SCAI: variants seen among roughly 807,000 people sequenced by gnomAD.
SCAI encodes protein SCAI.
Under a neutral mutation model 92.2 loss-of-function variants are expected in SCAI, and 24 were observed. The observed-to-expected ratio is 0.26, with a 90% CI of 0.19 to 0.37. SCAI has a LOEUF of 0.37. Among genes scored for constraint, SCAI ranks in the 10% least tolerant of loss-of-function variants. SCAI has a pLI of 1.00. For synonymous variants in SCAI, 261 were observed against 258.6 expected (o/e 1.01, Z -0.09); for missense variants, 450 against 736.2 (o/e 0.61, Z 4.50).
At chr9:125,119,236 AAG>A (rs1835110659) in intron 2 of SCAI, among the ~76,000 whole-genome samples, 2 of 152,184 alleles carry the variant, frequency 1.3e-5, no homozygotes, top group Admixed American at 6.5e-5. Context: ...CAAACCCATG[AAG>A]TACATACCAT....
intron 7 of SCAI, among the ~76,000 whole-genome samples, chr9:125,020,061 A>G (rs1048311023): frequency 1.4e-5 from 2 of 139,706 alleles, no homozygotes; most frequent in Non-Finnish European, 3.0e-5. Context: ...TGACAGAGCG[A>G]GACCTTGTCT....
chr9:125,009,085 T>G (rs115162524), intron 9 of SCAI, among the ~76,000 whole-genome samples: 1 of 151,828 alleles, frequency 6.6e-6, no homozygotes, highest in Non-Finnish European at 1.5e-5. Flanking sequence ...CAAACTCAAG[T>G]TGGAGATGTG....
rs1784151713 is a variant in SCAI, at chr9:124,947,622, C to A, written c.*5185G>T. On this transcript the variant is annotated 3_prime_UTR_variant, in exon 18 of 18. Transcript: ENST00000336505. ...ATACACATACTGTATCACTGCATAC[C>A]AATATATTTACAAATATGTATACAT... The A allele has an allele frequency of 6.6e-6, 1 of 151,900 alleles. No individual in the cohort carries two copies. Among genetic ancestry groups the A allele is most frequent in the Non-Finnish European group, 1.5e-5 (1 of 67,986 alleles). The allele number at this position is 151,900 out of a possible 1,614,324, so 9.4% of individuals were successfully genotyped here.
rs564805151 is a variant in SCAI, at chr9:125,057,581, A to T, written c.99-1574T>A. On this transcript the variant is annotated intron_variant, in intron 2 of 17. Coordinates refer to ENST00000336505, the MANE Select transcript of SCAI (RefSeq NM_001144877.3). ...TAGCCACCAAGTGGGTATCCACATC[A>T]CAGGGTACCTGCATGGTTGTCGGAA... Among the ~76,000 whole-genome samples, 3 of 152,282 alleles carry T rather than the reference A, an allele frequency of 2.0e-5. No homozygotes were observed. The South Asian group carries it at 6.2e-4, about 32-fold the overall frequency.
intron 2 of SCAI, among the ~76,000 whole-genome samples, chr9:125,135,762 GA>G (rs1835507999): frequency 6.6e-6 from 1 of 152,144 alleles, no homozygotes; most frequent in African/African-American, 2.4e-5. Flanking sequence ...CGGAGGTCAG[GA>G]ATTCAAGACC....
chr9:125,047,661 G>GA (rs1421169280), intron 3 of SCAI, among the ~76,000 whole-genome samples: 2 of 152,140 alleles, frequency 1.3e-5, no homozygotes, highest in African/African-American at 4.8e-5. Flanking sequence ...TATGAGAACA[G>GA]AAACTAAAAC....
At chr9:125,039,549 T>G (rs935878732) in intron 3 of SCAI, among the ~76,000 whole-genome samples, 2 of 152,156 alleles carry the variant, frequency 1.3e-5, no homozygotes, top group Non-Finnish European at 2.9e-5. Context: ...ACTTAGAAGC[T>G]TAAAACAAAA....
At chr9:125,043,331 T>A (rs1352634996) in intron 3 of SCAI, among the ~76,000 whole-genome samples, 2 of 152,206 alleles carry the variant, frequency 1.3e-5, no homozygotes, top group Non-Finnish European at 2.9e-5. Context: ...ACATCTTTGT[T>A]CCAAACCATG....
chr9:125,063,102 A>AC (rs112388687), intron 2 of SCAI, among the ~76,000 whole-genome samples: 36,755 of 137,616 alleles, frequency 0.27, 4,963 homozygotes, highest in Middle Eastern at 0.33. Flanking sequence ...ATAACCCCCC[A>AC]CCCCCCCCAG....
At chr9:124,965,400 A>G (rs1360969448) in intron 17 of SCAI, among the ~76,000 whole-genome samples, 1 of 151,952 alleles carries the variant, frequency 6.6e-6, no homozygotes, top group Non-Finnish European at 1.5e-5. Flanking sequence ...CGCCCAGCTA[A>G]TTTTTATATT....
intron 2 of SCAI, among the ~76,000 whole-genome samples, chr9:125,070,397 CTTTT>C (rs34011891): frequency 8.5e-6 from 1 of 118,288 alleles, no homozygotes; most frequent in Non-Finnish European, 1.7e-5. Context: ...TAAAAACAAT[CTTTT>C]TTTTTTTTTT....
chr9:124,966,766 T>C (rs1489451481), intron 17 of SCAI, among the ~76,000 whole-genome samples: 2 of 151,956 alleles, frequency 1.3e-5, no homozygotes, highest in Non-Finnish European at 2.9e-5. Context: ...CTGTTTATAC[T>C]GTTTCATTAT....
chr9:125,116,169 A>AG (rs1835042897), intron 2 of SCAI, among the ~76,000 whole-genome samples: 1 of 152,232 alleles, frequency 6.6e-6, no homozygotes, highest in South Asian at 2.1e-4. Flanking sequence ...TGGGTGACAG[A>AG]GAGAGACTCC....
chr9:125,106,777 C>T (rs1357687238), intron 2 of SCAI, among the ~76,000 whole-genome samples: 1 of 143,982 alleles, frequency 6.9e-6, no homozygotes. Context: ...AGTACAATCA[C>T]CACTCACTGC....
At chr9:125,041,584 C>A (rs1161688531) in intron 3 of SCAI, among the ~76,000 whole-genome samples, 7 of 152,032 alleles carry the variant, frequency 4.6e-5, no homozygotes, top group Non-Finnish European at 8.8e-5. Flanking sequence ...AACTAGAAGC[C>A]AGTGTTTTAT....
chr9:124,998,010 G>A (rs1449571210), intron 13 of SCAI, among the ~76,000 whole-genome samples: 3 of 151,780 alleles, frequency 2.0e-5, no homozygotes, highest in African/African-American at 7.3e-5. Context: ...TCACTAAGTT[G>A]CCCAGGATGG....
intron 3 of SCAI, among the ~76,000 whole-genome samples, chr9:125,038,065 G>A (rs1187878789): frequency 6.6e-6 from 1 of 152,114 alleles, no homozygotes; most frequent in Non-Finnish European, 1.5e-5. Context: ...AGACCAGCCT[G>A]GGCAACATGG....
At chr9:125,128,553 A>T (rs1835326012) in intron 2 of SCAI, among the ~76,000 whole-genome samples, 2 of 150,396 alleles carry the variant, frequency 1.3e-5, no homozygotes, top group African/African-American at 4.9e-5. Flanking sequence ...GGAGATCGAG[A>T]CCATCCTGGC....
intron 2 of SCAI, among the ~76,000 whole-genome samples, chr9:125,068,377 G>A (rs918720378): frequency 6.6e-6 from 1 of 152,122 alleles, no homozygotes. Flanking sequence ...GCATGCACCT[G>A]TAGTTCCAGC....
Sources: allele counts gnomAD v4.1 joint callset (sites outside exome capture counted in the v4.1 genomes callset), GRCh38; gene constraint gnomAD v4.1.1; transcripts MANE v1.5; gene names NCBI Gene and HGNC (gene_info 2026-07-23, HGNC 2026-07-21).